The following LCA5L variants were observed in gnomAD, a reference collection of about 807,000 sequenced individuals.
LCA5L encodes the protein lebercilin-like protein.
LCA5L carries 35 observed loss-of-function variants against 45.4 expected under a neutral mutation model. That is an observed-to-expected ratio of 0.77 (90% CI 0.59 to 1.02). The LOEUF (loss-of-function observed/expected upper bound fraction) is 1.02, where lower values mean the gene tolerates loss of function less well. Among genes scored for constraint, LCA5L ranks in the 50% least tolerant of loss-of-function variants. LCA5L has a pLI of 0.00. For synonymous variants in LCA5L, 233 were observed against 264.7 expected (o/e 0.88, Z 1.16); for missense variants, 668 against 761.6 (o/e 0.88, Z 1.45).
intron 10 of LCA5L, chr21:39,407,916 C>T (rs916592425): frequency 6.6e-6 from 1 of 152,166 alleles, no homozygotes; most frequent in African/African-American, 2.4e-5. Context: ...GTGGCTTTGC[C>T]GGTGAGTTCT....
chr21:39,432,833 G>C (rs1180978194), intron 3 of LCA5L, among the ~76,000 whole-genome samples: 1 of 152,138 alleles, frequency 6.6e-6, no homozygotes, highest in Non-Finnish European at 1.5e-5. Context: ...ATGTTACTAT[G>C]TGCATCAATA....
chr21:39,422,894 A>AG, intron 6 of LCA5L, 82 bp downstream of exon 6: 3 of 1,252,180 alleles, frequency 2.4e-6, no homozygotes, highest in South Asian at 1.4e-5. Flanking sequence ...TTTGTTACAG[A>AG]GGGGGCGCAT....
intron 2 of LCA5L, among the ~76,000 whole-genome samples, 163 bp from the exon 3 acceptor site, chr21:39,435,736 A>G (rs1165029911): frequency 6.6e-6 from 1 of 152,126 alleles, no homozygotes; most frequent in Non-Finnish European, 1.5e-5. Flanking sequence ...CCCAGGTTCA[A>G]GCAATTCTCC....
intron 5 of LCA5L, among the ~76,000 whole-genome samples, chr21:39,427,340 G>A (rs936969524): frequency 6.6e-6 from 1 of 152,166 alleles, no homozygotes; most frequent in African/African-American, 2.4e-5. Context: ...AATTTGGACA[G>A]CTGGGAGTTG....
Position 39,428,343 on chromosome 21 carries a change from A to C in LCA5L, c.151T>G (p.Tyr51Asp), listed in dbSNP as rs1205922339. Residue 51 changes from tyrosine (Y) to aspartate (D), a missense_variant, in exon 5 of 11, where the codon TAT (tyrosine) becomes GAT (aspartate). Coordinates refer to ENST00000288350, the MANE Select transcript of LCA5L (RefSeq NM_152505.4). The stretch of plus-strand genomic sequence containing the variant: ...CCACAGGAGCACTGAGATCTGCTAT[A>C]ATCAACACTCTTATTGGAAGCATTA... Reference protein sequence around the residue: ...NSNASNKSVDYSRSQCSCGSL... With the variant: ...NSNASNKSVDDSRSQCSCGSL... 1 of 1,613,562 alleles carries C rather than the reference A, an allele frequency of 6.2e-7. No individual in the cohort carries two copies. Among genetic ancestry groups the C allele is most frequent in the Non-Finnish European group, 8.5e-7 (1 of 1,179,904 alleles).
rs1484640424 is a variant in LCA5L, at chr21:39,435,502, T to A, written c.-174A>T. On this transcript the variant is annotated 5_prime_UTR_variant, in exon 3 of 11. Transcript: ENST00000288350. ...AGGGTTCTTCACACTGTAGTATTTA[T>A]GAGCTTTCCACGGTAGTATTTTTTT... is the stretch of plus-strand genomic sequence containing the variant. 4 of 152,382 alleles carry A rather than the reference T, an allele frequency of 2.6e-5. No individual in the cohort carries two copies. The East Asian group carries it at 7.7e-4, about 29-fold the overall frequency. The allele number at this position is 152,382 out of a possible 1,614,324, so 9.4% of individuals were successfully genotyped here.
intron 7 of LCA5L, among the ~76,000 whole-genome samples, chr21:39,417,815 G>T (rs2041513082): frequency 6.6e-6 from 1 of 152,034 alleles, no homozygotes; most frequent in Non-Finnish European, 1.5e-5. Flanking sequence ...GCCCAGGCTG[G>T]AGTGCGGTGG....
chr21:39,419,946 AT>A (rs2042004207), intron 7 of LCA5L, among the ~76,000 whole-genome samples: 1 of 152,178 alleles, frequency 6.6e-6, no homozygotes, highest in Non-Finnish European at 1.5e-5. Flanking sequence ...TTTCAAACAC[AT>A]TTTTAAGTAA....
At position 39,423,456 on chromosome 21, in the gene LCA5L, G is replaced by T; in HGVS notation, c.357C>A (p.Thr119=). 1 of 1,570,670 alleles carries T rather than the reference G, an allele frequency of 6.4e-7. No homozygotes were observed. The change falls in exon 6 of 11, where the codon ACC becomes ACA. Residue 119 remains threonine, a synonymous_variant. Coordinates refer to ENST00000288350, the MANE Select transcript of LCA5L (RefSeq NM_152505.4). ...QKEISVEKKH[T]WNASLFNSQI... ...GAGAATTAAAGAGTGATGCATTCCAGGTGTGCTTTTTTTCAACTGATATTT... is the reference window on the plus strand; with the variant it reads ...GAGAATTAAAGAGTGATGCATTCCATGTGTGCTTTTTTTCAACTGATATTT...
At chr21:39,417,641 A>C (rs2041458968) in intron 7 of LCA5L, among the ~76,000 whole-genome samples, 1 of 152,218 alleles carries the variant, frequency 6.6e-6, no homozygotes, top group Admixed American at 6.5e-5. Flanking sequence ...ACAGTTCCAC[A>C]TGGCTGGGGA....
intron 1 of LCA5L, chr21:39,445,355 T>C (rs1223804857): frequency 6.6e-6 from 1 of 152,126 alleles, no homozygotes; most frequent in Non-Finnish European, 1.5e-5. Flanking sequence ...AAGATTCAGA[T>C]AGAAAAACCC....
chr21:39,421,224 C>G (rs1321074275), intron 6 of LCA5L, among the ~76,000 whole-genome samples: 1 of 151,878 alleles, frequency 6.6e-6, no homozygotes, highest in Non-Finnish European at 1.5e-5. Flanking sequence ...TGCCTCAGCC[C>G]CTGGGTAGCT....
intron 1 of LCA5L, among the ~76,000 whole-genome samples, chr21:39,444,449 T>C (rs891240607): frequency 6.6e-6 from 1 of 152,166 alleles, no homozygotes; most frequent in African/African-American, 2.4e-5. Flanking sequence ...GCAAAATACA[T>C]ACTGAAAATA....
chr21:39,411,798 T>C lies in LCA5L; in HGVS notation c.980A>G (p.Lys327Arg). 1.3e-6 allele frequency: 2 copies of C among 1,569,936 alleles called. No homozygotes were observed. Among genetic ancestry groups the C allele is most frequent in the Non-Finnish European group, 1.7e-6 (2 of 1,154,930 alleles). Residue 327 changes from lysine (K) to arginine (R), a missense_variant, in exon 8 of 11, where the codon AAG becomes AGG. By Grantham distance (26) the Lys-to-Arg change is conservative. Coordinates refer to ENST00000288350, the MANE Select transcript of LCA5L (RefSeq NM_152505.4). ...VKHLQQKLKE[K>R]DRELEIKNIY... ...GTTTTTAATTTCAAGCTCACGATCC[T>C]TTTCCTAAAAAGAACCACAAAACCA... is the stretch of plus-strand genomic sequence containing the variant.
intron 5 of LCA5L, among the ~76,000 whole-genome samples, chr21:39,425,099 T>C (rs950834568): frequency 3.9e-5 from 6 of 152,214 alleles, no homozygotes; most frequent in Non-Finnish European, 8.8e-5. Flanking sequence ...TGCAAGTGTA[T>C]GTATTCATAT....
chr21:39,422,695 C>G (rs1036170406), intron 6 of LCA5L: 17 of 497,516 alleles, frequency 3.4e-5, no homozygotes, highest in Non-Finnish European at 5.6e-5. Context: ...TGTAGCTGTG[C>G]TCTCTTAGAG....
At chr21:39,426,476 C>T (rs2074730624) in intron 5 of LCA5L, among the ~76,000 whole-genome samples, 1 of 152,118 alleles carries the variant, frequency 6.6e-6, no homozygotes, top group African/African-American at 2.4e-5. Flanking sequence ...ACCCTTGGAA[C>T]CAGACTGTTT....
intron 2 of LCA5L, among the ~76,000 whole-genome samples, chr21:39,441,900 T>C (rs1013135342): frequency 6.6e-6 from 1 of 152,266 alleles, no homozygotes; most frequent in Non-Finnish European, 1.5e-5. Flanking sequence ...AGAATGTTCA[T>C]TTCATTCATT....
At chr21:39,441,925 T>C (rs73367976) in intron 2 of LCA5L, among the ~76,000 whole-genome samples, 35,048 of 152,152 alleles carry the variant, frequency 0.23, 4,538 homozygotes, top group African/African-American at 0.35. Flanking sequence ...CAGCACCCAT[T>C]TGAGTGCTTA....
Sources: allele counts gnomAD v4.1 joint callset (sites outside exome capture counted in the v4.1 genomes callset), GRCh38; gene constraint gnomAD v4.1.1; transcripts MANE v1.5; gene names NCBI Gene and HGNC (gene_info 2026-07-23, HGNC 2026-07-21).